KCNQ3: variants seen among roughly 807,000 people sequenced by gnomAD.
KCNQ3 encodes the protein potassium voltage-gated channel subfamily Q member 3, also known as potassium voltage-gated channel subfamily KQT member 3.
Under a neutral mutation model 92.5 loss-of-function variants are expected in KCNQ3, and 30 were observed. The observed-to-expected ratio is 0.32, with a 90% CI of 0.24 to 0.44. The LOEUF is 0.44. Among genes scored for constraint, KCNQ3 ranks in the 20% least tolerant of loss-of-function variants. The pLI, the probability that KCNQ3 is intolerant of heterozygous loss-of-function variation, is 1.00. For missense variants in KCNQ3, 913 were observed against 1,140.3 expected, an observed-to-expected ratio of 0.80 and a Z score of 2.87; for synonymous variants, 450 against 468.8, an observed-to-expected ratio of 0.96 and a Z score of 0.52.
chr8:132,186,069 T>C, intron 2 of KCNQ3, 22 bp downstream of exon 2: 1 of 1,583,880 alleles, frequency 6.3e-7, no homozygotes, highest in Non-Finnish European at 8.7e-7. Flanking sequence ...CCAGAAGCAT[T>C]TACCCCAGAA....
chr8:132,303,545 T>C (rs10956656), intron 1 of KCNQ3, among the ~76,000 whole-genome samples: 30,321 of 80,414 alleles, frequency 0.38, 6,753 homozygotes, highest in East Asian at 0.57. Context: ...GGAGCACTTG[T>C]GATCAGATAA....
chr8:132,220,823 TTTTTTATTA>T (rs1373309231), intron 1 of KCNQ3, among the ~76,000 whole-genome samples: 1 of 148,912 alleles, frequency 6.7e-6, no homozygotes, highest in Non-Finnish European at 1.5e-5. Flanking sequence ...TTTTTTTATT[TTTTTTATTA>T]TACTTTAAGT....
chr8:132,203,884 G>A (rs767811463), intron 1 of KCNQ3, among the ~76,000 whole-genome samples: 4 of 152,158 alleles, frequency 2.6e-5, no homozygotes, highest in Non-Finnish European at 5.9e-5. Flanking sequence ...TGGGGAATTT[G>A]TAAATTCTTA....
chr8:132,392,790 C>CAAAAAAAAAAAAAAAAA (rs56183412), intron 1 of KCNQ3, among the ~76,000 whole-genome samples: 6 of 72,638 alleles, frequency 8.3e-5, no homozygotes, highest in African/African-American at 2.8e-4. Flanking sequence ...GAACCTGTCT[C>CAAAAAAAAAAAAAAAAA]AAAAAAAAAA....
chr8:132,208,323 G>T (rs948284321), intron 1 of KCNQ3, among the ~76,000 whole-genome samples: 1 of 151,988 alleles, frequency 6.6e-6, no homozygotes, highest in Non-Finnish European at 1.5e-5. Context: ...CTAAGCTCTT[G>T]GTGGTGACCA....
chr8:132,140,455 G>C (rs1178336168), intron 10 of KCNQ3: 5 of 410,004 alleles, frequency 1.2e-5, no homozygotes, highest in African/African-American at 2.0e-5. Flanking sequence ...GAGCTCCGCA[G>C]TTCCAGAGTG....
intron 1 of KCNQ3, among the ~76,000 whole-genome samples, chr8:132,270,336 C>T (rs753343599): frequency 6.6e-6 from 1 of 152,180 alleles, no homozygotes; most frequent in African/African-American, 2.4e-5. Context: ...TCTCCATACG[C>T]AGGAAGTCCT....
At chr8:132,464,622 C>G (rs768046653) in intron 1 of KCNQ3, among the ~76,000 whole-genome samples, 3 of 152,172 alleles carry the variant, frequency 2.0e-5, no homozygotes, top group Non-Finnish European at 4.4e-5. Flanking sequence ...TCTTCATGGT[C>G]AAGGCTGTAC....
At chr8:132,307,266 G>A (rs1455917182) in intron 1 of KCNQ3, among the ~76,000 whole-genome samples, 1 of 152,242 alleles carries the variant, frequency 6.6e-6, no homozygotes, top group East Asian at 1.9e-4. Flanking sequence ...AGTGAGACAA[G>A]AGTGGACTAA....
chr8:132,163,043 A>G (rs772761920), intron 9 of KCNQ3, among the ~76,000 whole-genome samples: 5 of 152,216 alleles, frequency 3.3e-5, no homozygotes, highest in Non-Finnish European at 5.9e-5. Flanking sequence ...GAGCCCAAGA[A>G]GCAGATGAAA....
intron 1 of KCNQ3, among the ~76,000 whole-genome samples, chr8:132,323,105 C>A (rs747448319): frequency 1.3e-5 from 2 of 152,178 alleles, no homozygotes; most frequent in Non-Finnish European, 2.9e-5. Flanking sequence ...GCAGGGAAGG[C>A]AGTTCACATT....
At chr8:132,170,463 G>A (rs1251282836) in intron 7 of KCNQ3, 35 bp from the exon 8 acceptor site, 3 of 1,400,368 alleles carry the variant, frequency 2.1e-6, no homozygotes, top group African/African-American at 2.8e-5. Context: ...CAATGAGTGG[G>A]CACCACCTGA....
intron 1 of KCNQ3, among the ~76,000 whole-genome samples, chr8:132,217,164 A>G (rs1814057329): frequency 6.6e-6 from 1 of 152,166 alleles, no homozygotes; most frequent in African/African-American, 2.4e-5. Flanking sequence ...GTTGAAATTT[A>G]CCACGGTGGG....
intron 8 of KCNQ3, among the ~76,000 whole-genome samples, chr8:132,163,965 C>T (rs1826067697): frequency 6.6e-6 from 1 of 152,178 alleles, no homozygotes; most frequent in Admixed American, 6.5e-5. Context: ...TCCCATTTCC[C>T]TGAGGAGAAA....
chr8:132,138,155 G>C, intron 11 of KCNQ3, 139 bp from the exon 12 acceptor site: 1 of 929,520 alleles, frequency 1.1e-6, no homozygotes, highest in Non-Finnish European at 1.7e-6. Context: ...CCAACGTTTG[G>C]TTCTGGTTCT....
chr8:132,333,639 T>G (rs1245993892), intron 1 of KCNQ3, among the ~76,000 whole-genome samples: 1 of 152,212 alleles, frequency 6.6e-6, no homozygotes, highest in Non-Finnish European at 1.5e-5. Flanking sequence ...GGTTGCATGA[T>G]ACTACATATT....
At position 132,231,283 on chromosome 8, in the gene KCNQ3, G is replaced by A. The variant is rs74632454; in HGVS notation, c.387-45102C>T. On this transcript the variant is annotated intron_variant, in intron 1 of 14. Transcript: ENST00000388996. ...TTTTAAGCCACTCAGTTTGTGGTAAGTTGTTATAGCAGCCCTGAGAAAAGA... is the reference window on the plus strand; with the variant it reads ...TTTTAAGCCACTCAGTTTGTGGTAAATTGTTATAGCAGCCCTGAGAAAAGA... Among the ~76,000 whole-genome samples the A allele has an allele frequency of 2.5e-3, 384 of 152,322 alleles. 10 individuals are homozygous for A. The East Asian group carries it at 0.067, about 27-fold the overall frequency.
chr8:132,408,772 G>A (rs547776062), intron 1 of KCNQ3, among the ~76,000 whole-genome samples: 5 of 152,316 alleles, frequency 3.3e-5, no homozygotes, highest in Admixed American at 2.6e-4. Context: ...CTGTATAGTA[G>A]CAAAGGGCAC....
chr8:132,414,919 AG>A (rs1435530666), intron 1 of KCNQ3, among the ~76,000 whole-genome samples: 4 of 152,244 alleles, frequency 2.6e-5, no homozygotes, highest in African/African-American at 9.6e-5. Context: ...CGGCAGAAGT[AG>A]GGATGGAAAG....
Sources: gnomAD v4.1 joint callset for allele counts (sites outside exome capture counted in the v4.1 genomes callset) on GRCh38, gnomAD v4.1.1 for gene constraint, MANE v1.5 for transcripts, NCBI Gene and HGNC (gene_info 2026-07-23, HGNC 2026-07-21) for gene names.